ADAMTS18: variants seen among roughly 807,000 people sequenced by gnomAD.
ADAMTS18 encodes the protein ADAM metallopeptidase with thrombospondin type 1 motif 18.
ADAMTS18 carries 157 observed loss-of-function variants against 165.9 expected under a neutral mutation model. That is an observed-to-expected ratio of 0.95 (90% CI 0.83 to 1.08). The LOEUF (loss-of-function observed/expected upper bound fraction) is 1.08, where lower values mean the gene tolerates loss of function less well. Among genes scored for constraint, ADAMTS18 ranks in the 50% least tolerant of loss-of-function variants. The pLI is 0.00. For synonymous variants in ADAMTS18, 782 were observed against 578.2 expected (o/e 1.35, Z -5.06); for missense variants, 2,040 against 1,534.0 (o/e 1.33, Z -5.51).
intron 3 of ADAMTS18, among the ~76,000 whole-genome samples, chr16:77,371,255 G>A (rs1220394562): frequency 2.3e-5 from 3 of 129,974 alleles, no homozygotes; most frequent in Non-Finnish European, 3.6e-5. Flanking sequence ...AAACAAAAAC[G>A]GAGAAAAAGA....
intron 3 of ADAMTS18, among the ~76,000 whole-genome samples, chr16:77,413,012 T>G (rs1281347521): frequency 1.3e-5 from 2 of 152,114 alleles, no homozygotes; most frequent in Non-Finnish European, 2.9e-5. Context: ...AATGCATTTC[T>G]TTACACACTC....
chr16:77,379,905 C>T (rs924051451), intron 3 of ADAMTS18, among the ~76,000 whole-genome samples: 1 of 152,178 alleles, frequency 6.6e-6, no homozygotes, highest in Non-Finnish European at 1.5e-5. Flanking sequence ...GTTCACGCAG[C>T]TGCATCACTG....
intron 3 of ADAMTS18, among the ~76,000 whole-genome samples, chr16:77,405,839 C>G (rs1020987356): frequency 2.0e-5 from 3 of 152,082 alleles, no homozygotes; most frequent in African/African-American, 7.2e-5. Flanking sequence ...CTGGTCCTAT[C>G]AGATTAGAGC....
intron 19 of ADAMTS18, among the ~76,000 whole-genome samples, chr16:77,293,740 G>T (rs34504566): frequency 0.1 from 15,076 of 149,194 alleles, 994 homozygotes; most frequent in East Asian, 0.19. Flanking sequence ...CATCACGCAT[G>T]AGATTCTCAT....
At chr16:77,416,713 A>C (rs1486421747) in intron 3 of ADAMTS18, among the ~76,000 whole-genome samples, 3 of 152,210 alleles carry the variant, frequency 2.0e-5, no homozygotes, top group African/African-American at 7.2e-5. Context: ...ACAGACTGAT[A>C]CATATACTAT....
chr16:77,368,120 A>G (rs1302868830), intron 3 of ADAMTS18, among the ~76,000 whole-genome samples: 2 of 152,198 alleles, frequency 1.3e-5, no homozygotes, highest in Non-Finnish European at 2.9e-5. Context: ...AAATGCTGGG[A>G]CTACAGGTAT....
In ADAMTS18 at chr16:77,423,591, GT is replaced by G. The variant is rs1238266775; in HGVS notation, c.495+7703del. The stretch of plus-strand genomic sequence containing the variant: ...AAATAAAGCATAGCCAGGATAAAGA[GT>G]TTTCCCTGTGTTACGTAGCTAGCAA... On this transcript the variant is annotated intron_variant, in intron 3 of 22. Transcript: ENST00000282849. Among the ~76,000 whole-genome samples, 5 of 152,122 alleles carry G rather than the reference GT, an allele frequency of 3.3e-5. No homozygotes were observed. The East Asian group carries it at 9.6e-4, about 29-fold the overall frequency.
At chr16:77,311,701 TTTTC>T (rs913795907) in intron 16 of ADAMTS18, among the ~76,000 whole-genome samples, 18 of 23,254 alleles carry the variant, frequency 7.7e-4, no homozygotes, top group African/African-American at 2.9e-3. Context: ...ATTACTGGAG[TTTTC>T]TTTTTTTTTT....
intron 3 of ADAMTS18, among the ~76,000 whole-genome samples, chr16:77,421,970 T>C (rs1264298469): frequency 6.6e-6 from 1 of 152,180 alleles, no homozygotes; most frequent in Non-Finnish European, 1.5e-5. Flanking sequence ...TTTTAATTAA[T>C]CCCTCTTCCC....
At chr16:77,320,929 C>G (rs2055985982) in intron 15 of ADAMTS18, 150 bp downstream of exon 15, 5 of 958,662 alleles carry the variant, frequency 5.2e-6, no homozygotes, top group Non-Finnish European at 6.7e-6. Context: ...TCACAACTAT[C>G]TCCCTTACTC....
At chr16:77,307,359 C>G (rs532247709) in intron 16 of ADAMTS18, among the ~76,000 whole-genome samples, 1 of 152,282 alleles carries the variant, frequency 6.6e-6, no homozygotes, top group Non-Finnish European at 1.5e-5. Context: ...GACCAGGTAT[C>G]ATCATTGCTA....
rs757484980 is a variant in ADAMTS18, at chr16:77,289,401, G to C, written c.3413C>G (p.Thr1138Ser). 3 of 1,614,062 alleles carry C rather than the reference G, an allele frequency of 1.9e-6. No homozygotes were observed. Among genetic ancestry groups the C allele is most frequent in the Non-Finnish European group, 1.7e-6 (2 of 1,179,982 alleles). ...YSLPWQQCTV[T>S]CGGGVQTRSV... ...CCGGGTCTGGACCCCTCCCCCACAGGTGACTGTGCACTGCAGCAGAGAGAA... is the reference window on the plus strand; with the variant it reads ...CCGGGTCTGGACCCCTCCCCCACAGCTGACTGTGCACTGCAGCAGAGAGAA... Residue 1138 changes from threonine (T) to serine (S), a missense_variant, in exon 22 of 23, where the codon ACC (threonine) becomes AGC (serine). Transcript: ENST00000282849.
chr16:77,294,841 G>A, intron 19 of ADAMTS18, 82 bp downstream of exon 19: 2 of 1,328,682 alleles, frequency 1.5e-6, no homozygotes, highest in South Asian at 1.2e-5. Context: ...AAACTGCCAA[G>A]AGCCCAGTGG....
chr16:77,362,095 C>G lies in ADAMTS18; in HGVS notation c.1216+10G>C. 6.2e-7 allele frequency: 1 copy of G among 1,613,916 alleles called. No individual in the cohort carries two copies. The highest frequency in any genetic ancestry group is 8.5e-7 in the Non-Finnish European group (1 of 1,179,968). ...AACAGGTGTGTGTGAAGGATCTGTT[C>G]ATACCATACCTAGAGTGTCACATGG... On this transcript the variant is annotated intron_variant, in intron 7 of 22. Transcript: ENST00000282849.
chr16:77,427,537 C>A (rs1215939101), intron 3 of ADAMTS18, among the ~76,000 whole-genome samples: 1 of 152,144 alleles, frequency 6.6e-6, no homozygotes, highest in East Asian at 1.9e-4. Context: ...ATCTGTACCT[C>A]TGAGATTCTG....
At chr16:77,316,960 C>T (rs1242969309) in intron 16 of ADAMTS18, among the ~76,000 whole-genome samples, 1 of 152,186 alleles carries the variant, frequency 6.6e-6, no homozygotes, top group African/African-American at 2.4e-5. Flanking sequence ...AGCCACCATA[C>T]CCAGCCCACA....
chr16:77,367,304 T>G, intron 4 of ADAMTS18, 137 bp downstream of exon 4: 3 of 892,590 alleles, frequency 3.4e-6, no homozygotes, highest in Admixed American at 4.2e-5. Context: ...CTGAGAGAGA[T>G]AATTACTGGT....
rs531224404 is a variant in ADAMTS18 at position 77,353,611 on chromosome 16, C to T, written c.1614+122G>A. On this transcript the variant is annotated intron_variant, in intron 10 of 22. Transcript: ENST00000282849. Reference sequence around the variant, plus strand: ...CTTAATTATCATGCCAAACAACTGACACGGTAGAGATAACCCAGAACCTAA... The same window carrying T: ...CTTAATTATCATGCCAAACAACTGATACGGTAGAGATAACCCAGAACCTAA... 3 of 1,332,026 alleles carry T rather than the reference C, an allele frequency of 2.3e-6. No individual in the cohort carries two copies. In the Admixed American group the frequency reaches 5.4e-5, roughly 24 times the overall value. 82.5% of individuals were successfully genotyped at this position (1,332,026 alleles called of 1,614,324 possible).
At chr16:77,311,098 A>G (rs1006529558) in intron 16 of ADAMTS18, among the ~76,000 whole-genome samples, 2 of 150,566 alleles carry the variant, frequency 1.3e-5, no homozygotes, top group East Asian at 1.9e-4. Context: ...TACATATGAA[A>G]GGGAAAAAAA....
Sources: gnomAD v4.1 joint callset for allele counts (sites outside exome capture counted in the v4.1 genomes callset) on GRCh38, gnomAD v4.1.1 for gene constraint, MANE v1.5 for transcripts, NCBI Gene and HGNC (gene_info 2026-07-23, HGNC 2026-07-21) for gene names.